The following FHIT variants were observed in gnomAD, a reference collection of about 807,000 sequenced individuals.
FHIT encodes the protein bis(5'-adenosyl)-triphosphatase.
In FHIT, 19 loss-of-function variants were observed where a neutral mutation model predicts 17.9. The observed-to-expected ratio is 1.06, with a 90% CI of 0.74 to 1.56. FHIT has a LOEUF of 1.56. Among genes scored for constraint, FHIT ranks in the 40% most tolerant of loss-of-function variants. The pLI, the probability that FHIT is intolerant of heterozygous loss-of-function variation, is 0.00. For missense variants in FHIT, 248 were observed against 189.2 expected, an observed-to-expected ratio of 1.31 and a Z score of -1.82; for synonymous variants, 81 against 69.7, an observed-to-expected ratio of 1.16 and a Z score of -0.81.
chr3:59,779,782 C>T (rs547660616), intron 8 of FHIT, among the ~76,000 whole-genome samples: 1 of 152,186 alleles, frequency 6.6e-6, no homozygotes, highest in Non-Finnish European at 1.5e-5. Context: ...CAGTAGACAA[C>T]AGAGCCAGTT....
chr3:60,370,076 G>A (rs1196576680), intron 5 of FHIT, among the ~76,000 whole-genome samples: 1 of 152,202 alleles, frequency 6.6e-6, no homozygotes, highest in Non-Finnish European at 1.5e-5. Context: ...CTATGTCCGA[G>A]AGCTTTGAAT....
chr3:60,325,185 A>C (rs1319542442), intron 5 of FHIT, among the ~76,000 whole-genome samples: 2 of 152,216 alleles, frequency 1.3e-5, no homozygotes, highest in Non-Finnish European at 2.9e-5. Context: ...GAAATGTAGA[A>C]ATATGAAGCC....
At chr3:59,863,616 T>C (rs1286745938) in intron 8 of FHIT, among the ~76,000 whole-genome samples, 2 of 152,204 alleles carry the variant, frequency 1.3e-5, no homozygotes, top group Non-Finnish European at 2.9e-5. Flanking sequence ...TAGCTCATAG[T>C]AGGGAGTCAC....
chr3:61,210,717 T>C (rs1358794920), intron 1 of FHIT, among the ~76,000 whole-genome samples: 1 of 151,988 alleles, frequency 6.6e-6, no homozygotes, highest in East Asian at 2.0e-4. Flanking sequence ...CCCTCTCTTT[T>C]ACTAGGAAAG....
chr3:60,655,749 A>G (rs1052259255), intron 4 of FHIT, among the ~76,000 whole-genome samples: 1 of 152,168 alleles, frequency 6.6e-6, no homozygotes, highest in African/African-American at 2.4e-5. Flanking sequence ...TGCTAATTGC[A>G]TATTCTCTCA....
At chr3:60,519,236 A>G (rs1223482664) in intron 5 of FHIT, among the ~76,000 whole-genome samples, 2 of 152,230 alleles carry the variant, frequency 1.3e-5, no homozygotes, top group African/African-American at 4.8e-5. Context: ...GAAAAAATAA[A>G]TGAAAGGTTT....
rs542223779 is a variant in FHIT at position 60,864,079 on chromosome 3, G to T, written c.-110-42068C>A. ...ATCTCATATGGTGGCAGGCAAGAGAGCATGTGAAGAAGAATTGCCCTTTAT... is the reference window on the plus strand; with the variant it reads ...ATCTCATATGGTGGCAGGCAAGAGATCATGTGAAGAAGAATTGCCCTTTAT... On this transcript the variant is annotated intron_variant, in intron 3 of 9. Transcript: ENST00000492590. Among the ~76,000 whole-genome samples, 157 of 152,274 alleles carry T rather than the reference G, an allele frequency of 1.0e-3. 1 individual carries two copies. Among genetic ancestry groups the T allele is most frequent in the African/African-American group, 3.5e-3 (147 of 41,566 alleles).
intron 5 of FHIT, among the ~76,000 whole-genome samples, chr3:60,312,203 A>G (rs1199081789): frequency 6.6e-6 from 1 of 152,096 alleles, no homozygotes; most frequent in African/African-American, 2.4e-5. Flanking sequence ...TGGCATGGTC[A>G]TAGCTCACTA....
chr3:60,281,618 CAA>C (rs71627529), intron 5 of FHIT, among the ~76,000 whole-genome samples: 126 of 92,240 alleles, frequency 1.4e-3, no homozygotes, highest in African/African-American at 4.1e-3. Context: ...ATCCATATGC[CAA>C]AAAAAAAAAA....
chr3:60,397,032 C>T (rs974559693), intron 5 of FHIT, among the ~76,000 whole-genome samples: 1 of 152,122 alleles, frequency 6.6e-6, no homozygotes, highest in Non-Finnish European at 1.5e-5. Context: ...ATGCACCAGG[C>T]AATCAAGCAT....
In FHIT at chr3:60,332,298, G is replaced by A. The variant is rs950856967; in HGVS notation, c.103+204562C>T. On this transcript the variant is annotated intron_variant, in intron 5 of 9. Coordinates refer to ENST00000492590, the MANE Select transcript of FHIT (RefSeq NM_002012.4). ...AGGTAGCCTGGCTGCAGCATCTGTGGCACTGCTGCCTTTCCAACCTACCCA... is the reference window on the plus strand; with the variant it reads ...AGGTAGCCTGGCTGCAGCATCTGTGACACTGCTGCCTTTCCAACCTACCCA... Among the ~76,000 whole-genome samples the A allele has an allele frequency of 2.0e-5, 3 of 152,160 alleles. No individual in the cohort carries two copies. In the South Asian group the frequency reaches 6.2e-4, roughly 32 times the overall value.
chr3:60,098,596 A>G (rs547217732), intron 5 of FHIT, among the ~76,000 whole-genome samples: 2 of 152,186 alleles, frequency 1.3e-5, no homozygotes, highest in South Asian at 2.1e-4. Context: ...GTTTGAGTTC[A>G]TTGCAGATTC....
chr3:59,967,926 AG>A (rs1326403379), intron 7 of FHIT, among the ~76,000 whole-genome samples: 3 of 152,130 alleles, frequency 2.0e-5, no homozygotes, highest in Non-Finnish European at 2.9e-5. Context: ...TGGAAAATGA[AG>A]GAATTAAGAA....
At chr3:60,823,837 T>G (rs1702020219) in intron 3 of FHIT, among the ~76,000 whole-genome samples, 1 of 152,122 alleles carries the variant, frequency 6.6e-6, no homozygotes, top group Non-Finnish European at 1.5e-5. Flanking sequence ...AGGGAAGATT[T>G]GAGGTGCAGG....
chr3:60,660,729 C>CTTTTTTTTTTCTTTTTTTT (rs2040223042), intron 4 of FHIT, among the ~76,000 whole-genome samples: 1 of 37,278 alleles, frequency 2.7e-5, no homozygotes. Flanking sequence ...TTATTGTGCT[C>CTTTTTTTTTTCTTTTTTTT]TTTTTTTTTT....
intron 5 of FHIT, among the ~76,000 whole-genome samples, chr3:60,458,535 A>C (rs562929389): frequency 7.6e-4 from 116 of 152,054 alleles, no homozygotes; most frequent in African/African-American, 2.1e-3. Context: ...ACATGTATAC[A>C]TATGTAACTA....
intron 3 of FHIT, among the ~76,000 whole-genome samples, chr3:60,825,482 A>G (rs782336954): frequency 6.6e-5 from 10 of 152,204 alleles, no homozygotes; most frequent in Non-Finnish European, 1.3e-4. Flanking sequence ...GGGGTCCCCA[A>G]CCGCCAGGCG....
At chr3:59,923,847 G>A (rs550148828) in intron 7 of FHIT, among the ~76,000 whole-genome samples, 1 of 152,146 alleles carries the variant, frequency 6.6e-6, no homozygotes, top group Non-Finnish European at 1.5e-5. Flanking sequence ...TAAAGCCGAG[G>A]CAGGGTGCAA....
intron 3 of FHIT, among the ~76,000 whole-genome samples, chr3:60,979,189 C>G (rs1047275141): frequency 6.6e-6 from 1 of 152,160 alleles, no homozygotes. Context: ...TCTCAAGCTC[C>G]CCTCTTCCCA....
Sources: allele counts gnomAD v4.1 joint callset (sites outside exome capture counted in the v4.1 genomes callset), GRCh38; gene constraint gnomAD v4.1.1; transcripts MANE v1.5; gene names NCBI Gene and HGNC (gene_info 2026-07-23, HGNC 2026-07-21).